USP43: variants seen among roughly 807,000 people sequenced by gnomAD.
USP43 encodes ubiquitin specific peptidase 43.
A neutral mutation model predicts 90.7 loss-of-function variants in USP43; 33 were observed. That is an observed-to-expected ratio of 0.36 (90% CI 0.28 to 0.49). The LOEUF is 0.49. Ranked by LOEUF, USP43 falls within the 20% of genes least tolerant of loss-of-function variation. The pLI, the probability that USP43 is intolerant of heterozygous loss-of-function variation, is 0.98. For missense variants in USP43, 1,274 were observed against 1,476.4 expected (o/e 0.86, Z 2.25); for synonymous variants, 598 against 615.8 (o/e 0.97, Z 0.43).
chr17:9,680,309 G>A lies in USP43; in HGVS notation c.1048G>A (p.Gly350Arg). 1 of 1,613,872 alleles carries A rather than the reference G, an allele frequency of 6.2e-7. No individual in the cohort carries two copies. Among genetic ancestry groups the A allele is most frequent in the Non-Finnish European group, 8.5e-7 (1 of 1,179,860 alleles). ...DEEDLNTIAE[G>R]DNVYAFQVPP... ...AGAGGACCTGAATACCATCGCAGAG[G>A]GAGATAATGTGTATGCCTTTCAAGT... Residue 350 changes from glycine (G) to arginine (R), a missense_variant, in exon 6 of 15, where the codon GGA (glycine) becomes AGA (arginine). Gly to Arg is a moderately radical substitution (Grantham distance 125). This residue lies in a region of USP43 where 253 missense variants were observed against 276.0 expected (regional missense o/e 0.92). Transcript: ENST00000285199.
chr17:9,657,290 T>A (rs965041379), intron 2 of USP43, among the ~76,000 whole-genome samples: 2 of 152,062 alleles, frequency 1.3e-5, no homozygotes, highest in African/African-American at 2.4e-5. Context: ...GTAGATCACT[T>A]GAGGTCAGGA....
chr17:9,687,669 A>G (rs911955861), intron 8 of USP43, among the ~76,000 whole-genome samples: 3 of 152,226 alleles, frequency 2.0e-5, no homozygotes, highest in Admixed American at 2.0e-4. Flanking sequence ...TTCCCATAGT[A>G]AAAGCTTTTT....
chr17:9,691,573 T>C (rs180995761), intron 8 of USP43, among the ~76,000 whole-genome samples: 61 of 152,242 alleles, frequency 4.0e-4, no homozygotes, highest in African/African-American at 1.4e-3. Flanking sequence ...AGCCCCTCCT[T>C]GCGACTCTTA....
At chr17:9,687,045 C>CT in intron 8 of USP43, 136 bp downstream of exon 8, 1 of 621,780 alleles carries the variant, frequency 1.6e-6, no homozygotes, top group South Asian at 3.1e-5. Flanking sequence ...AGTGTTCATA[C>CT]TGTTTTATAA....
At chr17:9,671,067 A>C (rs1281942758) in intron 3 of USP43, among the ~76,000 whole-genome samples, 1 of 152,154 alleles carries the variant, frequency 6.6e-6, no homozygotes, top group East Asian at 1.9e-4. Context: ...GGGTTAATTC[A>C]GAGGCATCTT....
chr17:9,719,538 C>T (rs777031170), intron 14 of USP43, among the ~76,000 whole-genome samples: 2 of 152,166 alleles, frequency 1.3e-5, no homozygotes, highest in African/African-American at 2.4e-5. Context: ...AGCAACCAGT[C>T]GCACCTAGTT....
At chr17:9,669,483 T>C (rs1913254440) in intron 3 of USP43, among the ~76,000 whole-genome samples, 1 of 152,184 alleles carries the variant, frequency 6.6e-6, no homozygotes, top group Non-Finnish European at 1.5e-5. Context: ...TCCTTGTTGA[T>C]TCTTTAGATA....
intron 3 of USP43, among the ~76,000 whole-genome samples, chr17:9,668,389 C>G (rs983491513): frequency 6.6e-6 from 1 of 152,146 alleles, no homozygotes; most frequent in African/African-American, 2.4e-5. Flanking sequence ...TAAAACTGCC[C>G]GGAAACTATC....
intron 3 of USP43, among the ~76,000 whole-genome samples, chr17:9,668,395 CTA>C (rs1203659390): frequency 6.6e-6 from 1 of 152,210 alleles, no homozygotes; most frequent in African/African-American, 2.4e-5. Flanking sequence ...TGCCCGGAAA[CTA>C]TCCTGATTTA....
In USP43 at chr17:9,646,083, G is replaced by T; in HGVS notation, c.451G>T (p.Val151Leu). 6.6e-7 allele frequency: 1 copy of T among 1,506,246 alleles called. No homozygotes were observed. 93.3% of individuals were successfully genotyped at this position (1,506,246 alleles called of 1,614,324 possible). A position where few individuals can be genotyped will look rare whatever the true frequency, so the allele number is the denominator to read the frequency against. The change falls in exon 1 of 15, where the codon GTG becomes TTG. Residue 151 changes from valine to leucine, a missense_variant. This residue lies in a region of USP43 where 259 missense variants were observed against 373.7 expected (regional missense o/e 0.69). Coordinates refer to ENST00000285199, the MANE Select transcript of USP43 (RefSeq NM_153210.5). ...GGTCACCGAGCAGCTGGCGGCGCTGGTGCGCGCGCTCTGGACTCGCGAATA... is the reference window on the plus strand; with the variant it reads ...GGTCACCGAGCAGCTGGCGGCGCTGTTGCGCGCGCTCTGGACTCGCGAATA... ...AEVTEQLAAL[V>L]RALWTREYTP...
In USP43 at chr17:9,697,576, C is replaced by T. The variant is rs1185289863; in HGVS notation, c.1458-2596C>T. On this transcript the variant is annotated intron_variant, in intron 9 of 14. Coordinates refer to ENST00000285199, the MANE Select transcript of USP43 (RefSeq NM_153210.5). ...TTTAGCTCTCACTTATAAATGAGGA[C>T]ATGTGGTATTTGATTTTCTGTTTCT... is the stretch of plus-strand genomic sequence containing the variant. Among the ~76,000 whole-genome samples the T allele has an allele frequency of 3.3e-5, 5 of 151,984 alleles. No individual in the cohort carries two copies. The East Asian group carries it at 9.6e-4, about 29-fold the overall frequency.
intron 9 of USP43, 71 bp from the exon 10 acceptor site, chr17:9,700,101 C>A: frequency 7.1e-7 from 1 of 1,405,564 alleles, no homozygotes; most frequent in Non-Finnish European, 9.8e-7. Flanking sequence ...GTGGGGGAGA[C>A]TGCTGAGCCC....
chr17:9,645,673 T>C lies in USP43; in HGVS notation c.41T>C (p.Leu14Pro), dbSNP rs1911324756. ...GGGGACGCGGCAGGAGGGGGACCGCTCGCGCCCCGGCCCCGCCGCCGCCGC... is the reference window on the plus strand; with the variant it reads ...GGGGACGCGGCAGGAGGGGGACCGCCCGCGCCCCGGCCCCGCCGCCGCCGC... ...GPGDAAGGGP[L>P]APRPRRRRSL... The change falls in exon 1 of 15, where the codon CTC (leucine) becomes CCC (proline). Residue 14 changes from leucine to proline, a missense_variant. Coordinates refer to ENST00000285199, the MANE Select transcript of USP43 (RefSeq NM_153210.5). This position sits in a 1 kb window ranked among gnomAD's most constrained non-coding sequence, Gnocchi z 6.8. 2.4e-6 allele frequency: 3 copies of C among 1,275,274 alleles called. No individual in the cohort carries two copies. The Admixed American group carries it at 1.3e-4, about 54-fold the overall frequency. The allele number at this position is 1,275,274 out of a possible 1,614,324, so 79.0% of individuals were successfully genotyped here.
At chr17:9,693,787 G>A (rs565544346) in intron 9 of USP43, among the ~76,000 whole-genome samples, 2 of 152,252 alleles carry the variant, frequency 1.3e-5, no homozygotes, top group South Asian at 2.1e-4. Context: ...GCCGTGAGCC[G>A]AGATCGCGCC....
intron 8 of USP43, among the ~76,000 whole-genome samples, chr17:9,692,548 T>C (rs1182667206): frequency 6.6e-6 from 1 of 152,226 alleles, no homozygotes; most frequent in African/African-American, 2.4e-5. Context: ...GTTCATTCCA[T>C]TGAATTTTTA....
intron 3 of USP43, among the ~76,000 whole-genome samples, chr17:9,672,425 C>T (rs1344643172): frequency 6.6e-6 from 1 of 152,086 alleles, no homozygotes; most frequent in Non-Finnish European, 1.5e-5. Context: ...TTTAATATGT[C>T]GCAATGCTTC....
At chr17:9,689,690 A>C (rs1459216130) in intron 8 of USP43, among the ~76,000 whole-genome samples, 1 of 152,170 alleles carries the variant, frequency 6.6e-6, no homozygotes, top group Non-Finnish European at 1.5e-5. Context: ...CTGGGATTAC[A>C]GGCATGAGCC....
Position 9,701,779 on chromosome 17 carries a change from TG to T in USP43, c.2011+80del. The T allele has an allele frequency of 3.2e-6, 4 of 1,257,338 alleles. No homozygotes were observed. The highest frequency in any genetic ancestry group is 4.3e-6 in the Non-Finnish European group (4 of 925,436). 77.9% of individuals were successfully genotyped at this position (1,257,338 alleles called of 1,614,324 possible). ...GTCCCTGGAATGGGTGTTGCTCAGATGCTGAGCTCCCTGGGGCACTTATTGA... is the reference window on the plus strand; with the variant it reads ...GTCCCTGGAATGGGTGTTGCTCAGATCTGAGCTCCCTGGGGCACTTATTGA... On this transcript the variant is annotated intron_variant, in intron 12 of 14. Transcript: ENST00000285199. The surrounding 1 kb of genome is among the most constrained non-coding windows in gnomAD (Gnocchi z 7.2).
intron 8 of USP43, among the ~76,000 whole-genome samples, chr17:9,691,885 C>CA (rs979526920): frequency 2.0e-5 from 3 of 150,672 alleles, no homozygotes; most frequent in African/African-American, 7.3e-5. Context: ...ACTAAAAATA[C>CA]AAAAAAAATT....
Sources: allele counts gnomAD v4.1 joint callset (sites outside exome capture counted in the v4.1 genomes callset), GRCh38; gene constraint gnomAD v4.1.1; regional missense constraint gnomAD v4.1.1; non-coding constraint Gnocchi (gnomAD v3.1); transcripts MANE v1.5; gene names NCBI Gene and HGNC (gene_info 2026-07-23, HGNC 2026-07-21).